The following OTUD7B variants were observed in gnomAD, a reference collection of about 807,000 sequenced individuals.
The protein encoded by OTUD7B is OTU deubiquitinase 7B.
A neutral mutation model predicts 82.2 loss-of-function variants in OTUD7B; 34 were observed. The ratio of observed to expected loss-of-function variants is 0.41; its 90% CI spans 0.31 to 0.55. The LOEUF is 0.55. OTUD7B is among the 20% of genes least tolerant of loss of function. The pLI, the probability that OTUD7B is intolerant of heterozygous loss-of-function variation, is 0.20. For synonymous variants in OTUD7B, 398 were observed against 402.7 expected (o/e 0.99, Z 0.14); for missense variants, 944 against 1,062.1 (o/e 0.89, Z 1.55).
the OTUD7B span, among the ~76,000 whole-genome samples, chr1:150,037,396 G>A: frequency 6.6e-6 from 1 of 152,076 alleles, no homozygotes; most frequent in Non-Finnish European, 1.5e-5. Context: ...AGAACAAAGA[G>A]AATGGGAGAA....
intron 1 of OTUD7B, among the ~76,000 whole-genome samples, chr1:149,978,969 T>G (rs1259048302): frequency 6.6e-6 from 1 of 151,588 alleles, no homozygotes; most frequent in Non-Finnish European, 1.5e-5. Flanking sequence ...CAAAAAAGAT[T>G]TGTGGGTTAT....
At chr1:149,968,978 A>G (rs1217457001) in intron 3 of OTUD7B, among the ~76,000 whole-genome samples, 13 of 152,066 alleles carry the variant, frequency 8.5e-5, no homozygotes, top group African/African-American at 2.9e-4. Flanking sequence ...TGGCCTCCCA[A>G]AGTGCTGGGA....
At chr1:150,044,250 C>G in the OTUD7B span, among the ~76,000 whole-genome samples, 24 of 151,806 alleles carry the variant, frequency 1.6e-4, 1 homozygote, top group African/African-American at 5.1e-4. Flanking sequence ...CTCCATAGCC[C>G]AGGCTGGAGT....
At chr1:149,991,057 C>T (rs190713257) in intron 1 of OTUD7B, among the ~76,000 whole-genome samples, 80 of 152,114 alleles carry the variant, frequency 5.3e-4, no homozygotes, top group Admixed American at 3.0e-3. Context: ...CCTATGTATT[C>T]GGACTTAGAA....
chr1:150,043,538 A>G, the OTUD7B span, among the ~76,000 whole-genome samples: 2 of 152,114 alleles, frequency 1.3e-5, no homozygotes, highest in African/African-American at 4.8e-5. Flanking sequence ...TCAAAAATGG[A>G]ATAGACTTAT....
At chr1:150,030,379 G>GGAAATGCCCCTTC in the OTUD7B span, among the ~76,000 whole-genome samples, 178 of 152,238 alleles carry the variant, frequency 1.2e-3, 8 homozygotes, top group South Asian at 0.036. Context: ...CTAGCGTAGA[G>GGAAATGCCCCTTC]GAAATGCCCC....
At chr1:150,019,357 T>TCTGTTTG in the OTUD7B span, among the ~76,000 whole-genome samples, 1 of 151,798 alleles carries the variant, frequency 6.6e-6, no homozygotes, top group Non-Finnish European at 1.5e-5. Flanking sequence ...ATTGTCTTTG[T>TCTGTTTG]TTTGTTTGTT....
At chr1:149,967,959 TA>T (rs1431911242) in intron 3 of OTUD7B, among the ~76,000 whole-genome samples, 3 of 152,174 alleles carry the variant, frequency 2.0e-5, no homozygotes, top group Admixed American at 1.3e-4. Context: ...ATACCTTTTC[TA>T]AAGGGTATTT....
At chr1:150,023,430 T>C in the OTUD7B span, among the ~76,000 whole-genome samples, 1 of 152,218 alleles carries the variant, frequency 6.6e-6, no homozygotes, top group South Asian at 2.1e-4. Flanking sequence ...AAATGTGGTA[T>C]ATATACACAG....
At chr1:150,002,943 A>G in intron 1 of OTUD7B, among the ~76,000 whole-genome samples, 1 of 152,170 alleles carries the variant, frequency 6.6e-6, no homozygotes, top group East Asian at 1.9e-4. Context: ...GGCTCCTGAT[A>G]TACTGCAGTA....
intron 1 of OTUD7B, among the ~76,000 whole-genome samples, chr1:150,007,958 C>T (rs1652774494): frequency 6.6e-6 from 1 of 152,204 alleles, no homozygotes; most frequent in South Asian, 2.1e-4. Flanking sequence ...GCTACTCATA[C>T]ACACATACAC....
intron 7 of OTUD7B, among the ~76,000 whole-genome samples, chr1:149,956,647 T>G (rs1648696636): frequency 6.6e-6 from 1 of 152,234 alleles, no homozygotes; most frequent in Non-Finnish European, 1.5e-5. Flanking sequence ...TTGGTTCCAT[T>G]CTCCCCGTCA....
the OTUD7B span, among the ~76,000 whole-genome samples, chr1:150,028,713 C>T: frequency 6.6e-6 from 1 of 152,136 alleles, no homozygotes; most frequent in African/African-American, 2.4e-5. Flanking sequence ...TCTTGTTGCC[C>T]AGGCTGGAGT....
At chr1:150,011,294 A>C (rs1336727296), upstream of OTUD7B, among the ~76,000 whole-genome samples, 2 of 152,202 alleles carry the variant, frequency 1.3e-5, no homozygotes, top group Non-Finnish European at 2.9e-5. Flanking sequence ...ACAGTAAAAA[A>C]AACTTACATA....
At position 149,944,060 on chromosome 1, in the gene OTUD7B, T is replaced by C. The variant is rs781793506; in HGVS notation, c.2329A>G (p.Asn777Asp). The C allele has an allele frequency of 1.9e-6, 3 of 1,614,122 alleles. No individual in the cohort carries two copies. In the East Asian group the frequency reaches 6.7e-5, roughly 36 times the overall value. Reference sequence around the variant, plus strand: ...GGCTCAGGGGGCTCTCTGTAGCCATTGCTATAGGAATCAGCCACTCGGTAG... The same window carrying C: ...GGCTCAGGGGGCTCTCTGTAGCCATCGCTATAGGAATCAGCCACTCGGTAG... ...PPYRVADSYS[N>D]GYREPPEPDG... Residue 777 changes from asparagine (N) to aspartate (D), a missense_variant, in exon 12 of 12, where the codon AAT becomes GAT. Physicochemically the swap from Asn to Asp is conservative, Grantham distance 23. Around this residue, in one of 3 missense-constraint regions of OTUD7B, gnomAD observed 412 missense variants for 418.7 expected, o/e 0.98. Coordinates refer to ENST00000581312, the MANE Select transcript of OTUD7B (RefSeq NM_020205.4).
rs782038987 is a variant in OTUD7B at position 149,971,106 on chromosome 1, G to A, written c.231C>T (p.Arg77=). Residue 77 remains arginine (R), a synonymous_variant, in exon 3 of 12, where the codon CGC becomes CGT. Transcript: ENST00000581312. ...EKGFSDREPT[R]PPRPILQRQD... ...GCCGCTGGAGGATGGGTCGGGGAGG[G>A]CGAGTAGGCTCTCTGTCAGAAAACC... is the stretch of plus-strand genomic sequence containing the variant. 4.3e-6 allele frequency: 7 copies of A among 1,613,064 alleles called. No individual in the cohort carries two copies. Among genetic ancestry groups the A allele is most frequent in the Admixed American group, 3.3e-5 (2 of 59,996 alleles).
the OTUD7B span, among the ~76,000 whole-genome samples, chr1:150,044,782 C>T: frequency 6.6e-6 from 1 of 151,750 alleles, no homozygotes; most frequent in Admixed American, 6.6e-5. Flanking sequence ...ATAAAATAAA[C>T]ACATCTACTC....
At chr1:150,053,397 T>A in the OTUD7B span, among the ~76,000 whole-genome samples, 1 of 151,912 alleles carries the variant, frequency 6.6e-6, no homozygotes, top group African/African-American at 2.4e-5. Flanking sequence ...TTCCCTTTTT[T>A]TTTCTTTTTT....
intron 1 of OTUD7B, among the ~76,000 whole-genome samples, chr1:149,986,530 C>T (rs1651154213): frequency 1.3e-5 from 2 of 152,226 alleles, no homozygotes; most frequent in South Asian, 2.1e-4. Context: ...AACTACTGAC[C>T]GTACATTCTC....
Sources: allele counts gnomAD v4.1 joint callset (sites outside exome capture counted in the v4.1 genomes callset), GRCh38; gene constraint gnomAD v4.1.1; regional missense constraint gnomAD v4.1.1; transcripts MANE v1.5; gene names NCBI Gene and HGNC (gene_info 2026-07-23, HGNC 2026-07-21).